Variants in ADCY10 observed in about 807,000 individuals in gnomAD.
ADCY10 encodes adenylate cyclase type 10.
In ADCY10, 156 loss-of-function variants were observed where a neutral mutation model predicts 183.3. The ratio of observed to expected loss-of-function variants is 0.85; its 90% CI spans 0.75 to 0.97. The LOEUF is 0.97. Ranked by LOEUF, ADCY10 falls within the 50% of genes least tolerant of loss-of-function variation. The probability of loss-of-function intolerance (pLI) is 0.00; values close to 1 mark genes in which losing one functional copy is unlikely to be tolerated. For synonymous variants in ADCY10, 645 were observed against 670.0 expected (o/e 0.96, Z 0.58); for missense variants, 1,745 against 1,934.3 (o/e 0.90, Z 1.84).
chr1:167,906,855 AC>A (rs1669858032), intron 1 of ADCY10, among the ~76,000 whole-genome samples: 1 of 152,196 alleles, frequency 6.6e-6, no homozygotes, highest in Non-Finnish European at 1.5e-5. Flanking sequence ...TGAAAGACTT[AC>A]AAAAAATGCT....
At chr1:167,880,750 T>C (rs1379913640) in intron 9 of ADCY10, 141 bp from the exon 10 acceptor site, 5 of 716,440 alleles carry the variant, frequency 7.0e-6, no homozygotes, top group South Asian at 2.9e-5. Flanking sequence ...AGTATTTTAT[T>C]TTTAGTACAC....
chr1:167,829,451 A>G (rs1042756674), intron 25 of ADCY10, 28 bp from the exon 26 acceptor site: 9 of 1,613,684 alleles, frequency 5.6e-6, no homozygotes, highest in Non-Finnish European at 6.8e-6. Context: ...CACAAATGGA[A>G]CATGAAAGGT....
At chr1:167,867,960 C>T (rs913087546) in intron 14 of ADCY10, among the ~76,000 whole-genome samples, 9 of 152,082 alleles carry the variant, frequency 5.9e-5, no homozygotes, top group Admixed American at 5.9e-4. Flanking sequence ...GCTGCAACCC[C>T]TTGAAATTAG....
intron 29 of ADCY10, among the ~76,000 whole-genome samples, chr1:167,822,604 A>G (rs1558148356): frequency 6.6e-6 from 1 of 152,122 alleles, no homozygotes; most frequent in East Asian, 1.9e-4. Context: ...CAAATCACCA[A>G]TAGCTACCAG....
intron 13 of ADCY10, among the ~76,000 whole-genome samples, chr1:167,873,701 C>T (rs779933519): frequency 6.6e-6 from 1 of 151,944 alleles, no homozygotes; most frequent in Non-Finnish European, 1.5e-5. Flanking sequence ...ATATCAATTC[C>T]AAATGGATTG....
chr1:167,879,775 A>G (rs899513385), intron 11 of ADCY10, among the ~76,000 whole-genome samples: 11 of 152,228 alleles, frequency 7.2e-5, no homozygotes, highest in African/African-American at 2.7e-4. Flanking sequence ...AGTAATATCA[A>G]CATTCATAAT....
intron 8 of ADCY10, among the ~76,000 whole-genome samples, chr1:167,884,221 G>GACTC (rs1412180112): frequency 6.6e-6 from 1 of 152,186 alleles, no homozygotes; most frequent in Non-Finnish European, 1.5e-5. Context: ...AGGTTTAATT[G>GACTC]ACTCACAGTT....
chr1:167,829,240 A>G, intron 26 of ADCY10, 27 bp downstream of exon 26: 1 of 1,613,408 alleles, frequency 6.2e-7, no homozygotes, highest in Non-Finnish European at 8.5e-7. Context: ...TCAGAAACTT[A>G]AAGGAGCAGC....
At chr1:167,912,799 T>G (rs941570969) in intron 1 of ADCY10, among the ~76,000 whole-genome samples, 2 of 152,252 alleles carry the variant, frequency 1.3e-5, no homozygotes, top group Non-Finnish European at 2.9e-5. Context: ...ATCGGAGCCG[T>G]ATCAATTCTA....
intron 8 of ADCY10, among the ~76,000 whole-genome samples, chr1:167,887,556 G>C (rs1428115897): frequency 1.3e-5 from 2 of 152,086 alleles, no homozygotes; most frequent in African/African-American, 2.4e-5. Flanking sequence ...GGGCTGGGGG[G>C]AAGGGGGAGG....
At position 167,901,661 on chromosome 1, in the gene ADCY10, C is replaced by T; in HGVS notation, c.436+1G>A. 1 of 1,614,004 alleles carries T rather than the reference C, an allele frequency of 6.2e-7. No homozygotes were observed. The highest frequency in any genetic ancestry group is 8.5e-7 in the Non-Finnish European group (1 of 1,179,954). ...GGATTTATTCCTTCTCAAATGCTTA[C>T]CTATCTTGACTCGGATGTCTAGGCC... On this transcript the variant is annotated splice_donor_variant, in intron 5 of 32. Coordinates refer to ENST00000367851, the MANE Select transcript of ADCY10 (RefSeq NM_018417.6). LOFTEE classifies it high-confidence loss of function.
At chr1:167,877,150 G>A (rs950124676) in intron 12 of ADCY10, among the ~76,000 whole-genome samples, 2 of 151,368 alleles carry the variant, frequency 1.3e-5, no homozygotes, top group African/African-American at 4.9e-5. Context: ...TGACTCCATT[G>A]CTCACTATAG....
chr1:167,909,031 C>A (rs1046782736), intron 1 of ADCY10, among the ~76,000 whole-genome samples: 1 of 152,232 alleles, frequency 6.6e-6, no homozygotes, highest in African/African-American at 2.4e-5. Flanking sequence ...ACATTACCAG[C>A]TTTCCAGAAG....
At chr1:167,910,366 G>A (rs1004786259) in intron 1 of ADCY10, among the ~76,000 whole-genome samples, 1 of 152,260 alleles carries the variant, frequency 6.6e-6, no homozygotes, top group African/African-American at 2.4e-5. Flanking sequence ...TGTGAGGAAT[G>A]ATGGCAGAGA....
rs763474028 is a variant in ADCY10, at chr1:167,833,003, C to G, written c.3577G>C (p.Glu1193Gln). The stretch of plus-strand genomic sequence containing the variant: ...TTCCCTTACCCTGGAGGTGGGCTCT[C>G]TTGGGCCTGCCGATTCACATAATGA... ...HFHYVNRQAQ[E>Q]SPPPGKKRLA... The change falls in exon 25 of 33, where the codon GAG becomes CAG. Residue 1193 changes from glutamate to glutamine, a missense_variant. Coordinates refer to ENST00000367851, the MANE Select transcript of ADCY10 (RefSeq NM_018417.6). The G allele has an allele frequency of 3.1e-6, 5 of 1,613,986 alleles. 1 individual carries two copies. Among genetic ancestry groups the G allele is most frequent in the Middle Eastern group, 1.7e-4 (1 of 6,014 alleles).
intron 23 of ADCY10, among the ~76,000 whole-genome samples, chr1:167,834,862 A>T (rs968644495): frequency 6.6e-6 from 1 of 152,130 alleles, no homozygotes; most frequent in Non-Finnish European, 1.5e-5. Context: ...GAAACGGGGT[A>T]TGCATAGGTT....
intron 7 of ADCY10, among the ~76,000 whole-genome samples, chr1:167,895,843 A>G (rs1038879278): frequency 2.0e-5 from 3 of 152,264 alleles, no homozygotes; most frequent in Non-Finnish European, 4.4e-5. Context: ...AAGTGAGTAG[A>G]GAAGACTAGA....
In ADCY10 at chr1:167,856,235, G is replaced by A. The variant is rs1665880829; in HGVS notation, c.2101C>T (p.Gln701Ter). 1 of 1,613,874 alleles carries A rather than the reference G, an allele frequency of 6.2e-7. No individual in the cohort carries two copies. Residue 701 changes from glutamine to a stop codon, truncating the protein, a stop_gained, in exon 17 of 33, where the codon CAG becomes TAG. Transcript: ENST00000367851. LOFTEE classifies it high-confidence loss of function. ...NTTYIVIGAV[Q>*]PNDISNKICL... ...ATCTTGTTGGAGATGTCGTTAGGCT[G>A]TACTGCACCAATGACAATGTAGGTG...
At chr1:167,869,754 G>C (rs1163309589) in intron 14 of ADCY10, among the ~76,000 whole-genome samples, 1 of 152,100 alleles carries the variant, frequency 6.6e-6, no homozygotes, top group East Asian at 1.9e-4. Context: ...GACCCCCTTA[G>C]AGTTGTGAGC....
Sources: allele counts gnomAD v4.1 joint callset (sites outside exome capture counted in the v4.1 genomes callset), GRCh38; gene constraint gnomAD v4.1.1; transcripts MANE v1.5; gene names NCBI Gene and HGNC (gene_info 2026-07-23, HGNC 2026-07-21).